TBC1D9: variants seen among roughly 807,000 people sequenced by gnomAD.
TBC1D9 encodes TBC1 domain family member 9, also known as TBC1 domain family member 9A.
A neutral mutation model predicts 132.0 loss-of-function variants in TBC1D9; 63 were observed. The observed-to-expected ratio is 0.48, with a 90% CI of 0.39 to 0.59. The LOEUF is 0.59. TBC1D9 is among the 20% of genes least tolerant of loss of function. The pLI is 0.00. For synonymous variants in TBC1D9, 610 were observed against 609.9 expected (o/e 1.00, Z 0.00); for missense variants, 1,261 against 1,592.7 (o/e 0.79, Z 3.54).
At chr4:140,644,000 C>A (rs1340016102) in intron 13 of TBC1D9, 4 of 527,354 alleles carry the variant, frequency 7.6e-6, no homozygotes, top group South Asian at 5.4e-5. Flanking sequence ...CCTCCCGCAG[C>A]GGCTCTGGGA....
intron 20 of TBC1D9, among the ~76,000 whole-genome samples, 189 bp downstream of exon 20, chr4:140,623,927 C>T (rs774778402): frequency 2.0e-5 from 3 of 152,046 alleles, no homozygotes; most frequent in Non-Finnish European, 4.4e-5. Flanking sequence ...CTGAGGAAGT[C>T]GTTTTTTCAC....
chr4:140,686,950 A>G (rs991830829), intron 2 of TBC1D9, among the ~76,000 whole-genome samples: 1 of 152,090 alleles, frequency 6.6e-6, no homozygotes, highest in Non-Finnish European at 1.5e-5. Flanking sequence ...ACTCACTTCA[A>G]TTATGAATGA....
intron 1 of TBC1D9, among the ~76,000 whole-genome samples, chr4:140,742,179 A>G (rs558197569): frequency 4.9e-4 from 75 of 152,298 alleles, no homozygotes; most frequent in African/African-American, 1.4e-3. Flanking sequence ...CAAAGCTAAC[A>G]GCAAAACTGT....
At chr4:140,636,427 CTG>C (rs1215248408) in intron 15 of TBC1D9, among the ~76,000 whole-genome samples, 1 of 152,164 alleles carries the variant, frequency 6.6e-6, no homozygotes, top group Non-Finnish European at 1.5e-5. Flanking sequence ...GGGTCTCACT[CTG>C]TTGCCCAGGC....
intron 2 of TBC1D9, among the ~76,000 whole-genome samples, chr4:140,699,083 T>C (rs1297931006): frequency 6.6e-6 from 1 of 152,116 alleles, no homozygotes; most frequent in Non-Finnish European, 1.5e-5. Flanking sequence ...ATTTTAAAAA[T>C]GAATGAAGTC....
chr4:140,704,436 A>G (rs74450741), intron 1 of TBC1D9, among the ~76,000 whole-genome samples: 3 of 43,614 alleles, frequency 6.9e-5, no homozygotes, highest in Non-Finnish European at 1.2e-4. Context: ...AAAAAATCAG[A>G]AAAAAAAAAA....
At chr4:140,690,453 C>A (rs1422631749) in intron 2 of TBC1D9, among the ~76,000 whole-genome samples, 1 of 152,112 alleles carries the variant, frequency 6.6e-6, no homozygotes, top group Non-Finnish European at 1.5e-5. Flanking sequence ...TTTACCAGCA[C>A]TAGCCCCAAA....
chr4:140,724,719 A>G (rs1329446501), intron 1 of TBC1D9, among the ~76,000 whole-genome samples: 2 of 152,174 alleles, frequency 1.3e-5, no homozygotes, highest in African/African-American at 4.8e-5. Flanking sequence ...AAATTGGTCA[A>G]TAAGAAAAGG....
chr4:140,642,593 A>G (rs12642653), intron 13 of TBC1D9: 108,196 of 893,666 alleles, frequency 0.12, 7,551 homozygotes, highest in South Asian at 0.18. Context: ...GTCGCTGTCC[A>G]TCTTCTTCTT....
intron 2 of TBC1D9, among the ~76,000 whole-genome samples, chr4:140,694,946 A>T (rs984147705): frequency 6.6e-6 from 1 of 152,182 alleles, no homozygotes; most frequent in Non-Finnish European, 1.5e-5. Flanking sequence ...GTGTTTCTAA[A>T]GATACGAGAA....
intron 1 of TBC1D9, among the ~76,000 whole-genome samples, chr4:140,751,268 A>G (rs986240784): frequency 6.6e-6 from 1 of 152,210 alleles, no homozygotes; most frequent in African/African-American, 2.4e-5. Flanking sequence ...AGAAAACCCA[A>G]AACAGACCCA....
intron 1 of TBC1D9, among the ~76,000 whole-genome samples, chr4:140,740,206 T>C (rs916815855): frequency 2.6e-5 from 4 of 152,204 alleles, no homozygotes; most frequent in Non-Finnish European, 5.9e-5. Context: ...TCCAAATGAA[T>C]AGCTGTTCCT....
chr4:140,725,042 C>T (rs766410205), intron 1 of TBC1D9, among the ~76,000 whole-genome samples: 6 of 152,104 alleles, frequency 3.9e-5, no homozygotes, highest in Admixed American at 3.3e-4. Flanking sequence ...AATGGCCCTA[C>T]GATTTCACTT....
chr4:140,738,182 G>GGA (rs973682476), intron 1 of TBC1D9, among the ~76,000 whole-genome samples: 1 of 152,058 alleles, frequency 6.6e-6, no homozygotes, highest in African/African-American at 2.4e-5. Flanking sequence ...AACTATGAAA[G>GGA]GAAAATCTTG....
chr4:140,661,160 G>A (rs1235793524), intron 10 of TBC1D9, among the ~76,000 whole-genome samples: 3 of 152,018 alleles, frequency 2.0e-5, no homozygotes, highest in African/African-American at 4.8e-5. Flanking sequence ...GTGATCCTCC[G>A]GCCTTGGCTT....
chr4:140,667,341 A>G (rs1381083086), intron 9 of TBC1D9, among the ~76,000 whole-genome samples: 1 of 152,186 alleles, frequency 6.6e-6, no homozygotes, highest in African/African-American at 2.4e-5. Flanking sequence ...TGTTGTATAC[A>G]CTAGTTTCCT....
intron 1 of TBC1D9, among the ~76,000 whole-genome samples, chr4:140,719,650 C>T (rs2111056977): frequency 6.6e-6 from 1 of 152,268 alleles, no homozygotes; most frequent in East Asian, 1.9e-4. Context: ...TTGCTGGGCA[C>T]TAGAAATATA....
rs767498061 is a variant in TBC1D9 at position 140,622,737 on chromosome 4, A to G, written c.3259T>C (p.Cys1087Arg). 1.1e-5 allele frequency: 17 copies of G among 1,608,188 alleles called. No homozygotes were observed. The South Asian group carries it at 1.8e-4, about 17-fold the overall frequency. ...AGCACGCCTGGGATGCCCTGGTGGCAGGACGGCCCACTGCCTCCGCTCCCG... is the reference window on the plus strand; with the variant it reads ...AGCACGCCTGGGATGCCCTGGTGGCGGGACGGCCCACTGCCTCCGCTCCCG... Reference protein sequence around the residue: ...EGGSGGSGPSCHQGIPGVLFP... With the variant: ...EGGSGGSGPSRHQGIPGVLFP... The change falls in exon 21 of 21, where the codon TGC (cysteine) becomes CGC (arginine). Residue 1087 changes from cysteine (C) to arginine (R), a missense_variant. Coordinates refer to ENST00000442267, the MANE Select transcript of TBC1D9 (RefSeq NM_015130.3).
chr4:140,709,718 G>A (rs1266280618), intron 1 of TBC1D9, among the ~76,000 whole-genome samples: 3 of 152,166 alleles, frequency 2.0e-5, no homozygotes, highest in Admixed American at 2.0e-4. Context: ...ATGGACCAGA[G>A]TTGGGGGTGG....
Sources: gnomAD v4.1 joint callset for allele counts (sites outside exome capture counted in the v4.1 genomes callset) on GRCh38, gnomAD v4.1.1 for gene constraint, MANE v1.5 for transcripts, NCBI Gene and HGNC (gene_info 2026-07-23, HGNC 2026-07-21) for gene names.